The following ANKRD6 variants were observed in gnomAD, a reference collection of about 807,000 sequenced individuals.
ANKRD6 encodes the protein ankyrin repeat domain-containing protein 6.
A neutral mutation model predicts 82.3 loss-of-function variants in ANKRD6; 56 were observed. The observed-to-expected ratio is 0.68, with a 90% CI of 0.55 to 0.85. The LOEUF (loss-of-function observed/expected upper bound fraction) is 0.85, where lower values mean the gene tolerates loss of function less well. Among genes scored for constraint, ANKRD6 ranks in the 40% least tolerant of loss-of-function variants. The pLI is 0.00. For missense variants in ANKRD6, 852 were observed against 907.6 expected (o/e 0.94, Z 0.79); for synonymous variants, 347 against 352.1 (o/e 0.99, Z 0.16).
At chr6:89,598,239 T>C (rs1796323315) in intron 3 of ANKRD6, 1 of 985,418 alleles carries the variant, frequency 1.0e-6, no homozygotes, top group African/African-American at 1.7e-5. Context: ...TCTTGCTTCC[T>C]GCCAATCGTG....
chr6:89,594,888 A>G (rs1204181701), intron 2 of ANKRD6, among the ~76,000 whole-genome samples: 1 of 152,058 alleles, frequency 6.6e-6, no homozygotes, highest in Non-Finnish European at 1.5e-5. Flanking sequence ...GACTACAGGC[A>G]CATGCCACTG....
intron 1 of ANKRD6, among the ~76,000 whole-genome samples, chr6:89,536,821 C>T (rs569773122): frequency 3.9e-5 from 6 of 152,204 alleles, no homozygotes; most frequent in Non-Finnish European, 7.3e-5. Flanking sequence ...CTTTTACCTT[C>T]ATGTACTCAT....
rs145639877 is a variant in ANKRD6 at position 89,580,596 on chromosome 6, GC to G, written c.120+13502del. ...CTCTGCACCGAGAGGCTCTCCTGCT[GC>G]CACTCGCTGGGCTTCCTGCTCTGAA... On this transcript the variant is annotated intron_variant, in intron 2 of 15. Transcript: ENST00000339746. 8.7e-3 allele frequency among the ~76,000 whole-genome samples: 1,316 copies of G among 152,066 alleles called. 12 individuals carry two copies. The highest frequency in any genetic ancestry group is 0.023 in the African/African-American group (950 of 41,474).
chr6:89,593,182 C>T (rs1459512901), intron 2 of ANKRD6, among the ~76,000 whole-genome samples: 2 of 152,228 alleles, frequency 1.3e-5, no homozygotes, highest in Non-Finnish European at 2.9e-5. Flanking sequence ...ACTTGTGTCC[C>T]ACCATGCTGT....
chr6:89,561,015 G>T (rs1159710711), intron 1 of ANKRD6: 2 of 152,176 alleles, frequency 1.3e-5, no homozygotes, highest in African/African-American at 2.4e-5. Context: ...GTCTAGCAGT[G>T]CTGGTCAGTC....
intron 1 of ANKRD6, among the ~76,000 whole-genome samples, chr6:89,557,412 G>A (rs1428023453): frequency 6.6e-6 from 1 of 152,128 alleles, no homozygotes; most frequent in Non-Finnish European, 1.5e-5. Context: ...GAAAGGAATC[G>A]TCCAAGGGAT....
chr6:89,595,399 C>G (rs576222418), intron 2 of ANKRD6, among the ~76,000 whole-genome samples: 1 of 151,448 alleles, frequency 6.6e-6, no homozygotes, highest in Non-Finnish European at 1.5e-5. Context: ...GCACTGCAGT[C>G]TGGGTGAGAG....
rs189472821 is a variant in ANKRD6, at chr6:89,453,841, G to A, written c.-144+20466G>A. Among the ~76,000 whole-genome samples, 63 of 150,510 alleles carry A rather than the reference G, an allele frequency of 4.2e-4. 1 individual carries two copies. Among genetic ancestry groups the A allele is most frequent in the African/African-American group, 1.3e-3 (53 of 40,914 alleles). Reference sequence around the variant, plus strand: ...TTTTGAGATGGAGTCTCGCTCTGTCGCCCAGGCTTGAGTGCAGTGGCATGA... The same window carrying A: ...TTTTGAGATGGAGTCTCGCTCTGTCACCCAGGCTTGAGTGCAGTGGCATGA... On this transcript the variant is annotated intron_variant, in intron 1 of 15. Coordinates refer to ENST00000339746, the MANE Select transcript of ANKRD6 (RefSeq NM_001242809.2).
intron 3 of ANKRD6, among the ~76,000 whole-genome samples, chr6:89,600,414 C>A (rs939938804): frequency 6.6e-6 from 1 of 152,182 alleles, no homozygotes; most frequent in African/African-American, 2.4e-5. Context: ...TAACACGACC[C>A]ATATGCTCAG....
chr6:89,480,535 AT>A (rs1347158752), intron 1 of ANKRD6, among the ~76,000 whole-genome samples: 1 of 150,168 alleles, frequency 6.7e-6, no homozygotes, highest in Non-Finnish European at 1.5e-5. Context: ...TATATTTTTT[AT>A]ATATTTTATA....
At chr6:89,520,632 A>G (rs1257131417) in intron 1 of ANKRD6, among the ~76,000 whole-genome samples, 1 of 152,260 alleles carries the variant, frequency 6.6e-6, no homozygotes, top group Non-Finnish European at 1.5e-5. Context: ...TTTGGATCCT[A>G]GGCTGCAGAG....
At chr6:89,620,568 A>T (rs374497005) in intron 9 of ANKRD6, among the ~76,000 whole-genome samples, 2 of 152,120 alleles carry the variant, frequency 1.3e-5, no homozygotes, top group Admixed American at 1.3e-4. Flanking sequence ...ACTCTTTTAC[A>T]TTTTTAACTA....
At chr6:89,521,051 C>T (rs538279387) in intron 1 of ANKRD6, among the ~76,000 whole-genome samples, 1 of 152,258 alleles carries the variant, frequency 6.6e-6, no homozygotes, top group South Asian at 2.1e-4. Flanking sequence ...AAAAGAATTG[C>T]AGGAAATAAC....
intron 1 of ANKRD6, among the ~76,000 whole-genome samples, chr6:89,442,096 A>G (rs1771471043): frequency 6.6e-6 from 1 of 152,002 alleles, no homozygotes; most frequent in African/African-American, 2.4e-5. Context: ...CCCAGGTTCA[A>G]GCACTTCTCG....
At chr6:89,617,486 C>G (rs150769622) in intron 8 of ANKRD6, among the ~76,000 whole-genome samples, 35 of 152,330 alleles carry the variant, frequency 2.3e-4, no homozygotes, top group Middle Eastern at 3.4e-3. Flanking sequence ...TCCTGAATCT[C>G]TCTGGCCAGC....
intron 2 of ANKRD6, among the ~76,000 whole-genome samples, chr6:89,588,017 A>T (rs1794118317): frequency 6.6e-6 from 1 of 152,112 alleles, no homozygotes; most frequent in African/African-American, 2.4e-5. Flanking sequence ...TAAGCCTGAG[A>T]AGGACTTTGA....
At chr6:89,558,834 T>C (rs374599113) in intron 1 of ANKRD6, among the ~76,000 whole-genome samples, 3 of 152,186 alleles carry the variant, frequency 2.0e-5, no homozygotes, top group South Asian at 4.2e-4. Flanking sequence ...GGCAAAGGGC[T>C]ATATGAGAAC....
rs757363082 is a variant in ANKRD6 at position 89,603,133 on chromosome 6, T to C, written c.318+6T>C. 1 of 1,595,256 alleles carries C rather than the reference T, an allele frequency of 6.3e-7. No homozygotes were observed. On this transcript the variant is annotated splice_donor_region_variant and intron_variant, in intron 4 of 15. Coordinates refer to ENST00000339746, the MANE Select transcript of ANKRD6 (RefSeq NM_001242809.2). ...CCCTGGACAGACAAGACAAGGTGAG[T>C]GGACACTGAGCTTCCTTACTCCCCA...
At chr6:89,598,452 A>G (rs1389817413) in intron 3 of ANKRD6, 70 of 982,578 alleles carry the variant, frequency 7.1e-5, no homozygotes, top group Middle Eastern at 1.0e-3. Context: ...TGCTTTACAC[A>G]CCTAACCTGT....
Sources: gnomAD v4.1 joint callset for allele counts (sites outside exome capture counted in the v4.1 genomes callset) on GRCh38, gnomAD v4.1.1 for gene constraint, MANE v1.5 for transcripts, NCBI Gene and HGNC (gene_info 2026-07-23, HGNC 2026-07-21) for gene names.